Variants in MAP3K12 observed in about 807,000 individuals in gnomAD.
MAP3K12 encodes the protein mitogen-activated protein kinase kinase kinase 12, also known as MAPK-upstream kinase.
A neutral mutation model predicts 87.5 loss-of-function variants in MAP3K12; 14 were observed. That is an observed-to-expected ratio of 0.16 (90% CI 0.11 to 0.25). MAP3K12 has a LOEUF of 0.25. Among genes scored for constraint, MAP3K12 ranks in the 10% least tolerant of loss-of-function variants. MAP3K12 has a pLI of 1.00. For synonymous variants in MAP3K12, 469 were observed against 452.5 expected (o/e 1.04, Z -0.46); for missense variants, 802 against 1,140.4 (o/e 0.70, Z 4.27).
At position 53,482,981 on chromosome 12, in the gene MAP3K12, C is replaced by T. The variant is rs757489134; in HGVS notation, c.1822G>A (p.Gly608Arg). 2 of 1,579,766 alleles carry T rather than the reference C, an allele frequency of 1.3e-6. No individual in the cohort carries two copies. Among genetic ancestry groups the T allele is most frequent in the South Asian group, 1.1e-5 (1 of 87,422 alleles). Residue 608 changes from glycine (G) to arginine (R), a missense_variant, in exon 11 of 14, where the codon GGA becomes AGA. This residue lies in a region of MAP3K12 where 490 missense variants were observed against 496.6 expected (regional missense o/e 0.99). Coordinates refer to ENST00000547488, the MANE Select transcript of MAP3K12 (RefSeq NM_001193511.2). ...CCCCCTCCTAGGCCCCCTGGGCTTC[C>T]TGGTCCTCCAGGTTCATGGGGTGGC... ...AVPPHEPGGP[G>R]SPGGLGGGPS...
At chr12:53,490,695 G>A (rs1343013533) in intron 1 of MAP3K12, among the ~76,000 whole-genome samples, 1 of 151,022 alleles carries the variant, frequency 6.6e-6, no homozygotes, top group East Asian at 2.0e-4. Context: ...GCAGTGAGCC[G>A]AGATCGCACC....
Position 53,483,678 on chromosome 12 carries a change from T to G in MAP3K12, c.1404A>C (p.Arg468Ser), listed in dbSNP as rs1943142287. 3.1e-6 allele frequency: 5 copies of G among 1,613,806 alleles called. No individual in the cohort carries two copies. The highest frequency in any genetic ancestry group is 3.3e-5 in the Admixed American group (2 of 59,998). ...IREHYERKLE[R>S]ANNLYMELNA... ...TAAGTTCCATATACAGGTTGTTGGCTCTCTCCAGCTTCCTTTCATAGTGCT... is the reference window on the plus strand; with the variant it reads ...TAAGTTCCATATACAGGTTGTTGGCGCTCTCCAGCTTCCTTTCATAGTGCT... The change falls in exon 9 of 14, where the codon AGA (arginine) becomes AGC (serine). Residue 468 changes from arginine (R) to serine (S), a missense_variant. Around this residue, in one of 5 missense-constraint regions of MAP3K12, gnomAD observed 99 missense variants for 193.4 expected, o/e 0.51. Transcript: ENST00000547488.
At position 53,483,385 on chromosome 12, in the gene MAP3K12, CTCT is replaced by C. The variant is rs775678493; in HGVS notation, c.1574_1576del (p.Lys525del). ...GGGTGACAGCTTCTGTGGCACATTC[CTCT>C]TCTTGATAAGCTTCTCCATTGTGTT... On this transcript the variant is annotated inframe_deletion, in exon 10 of 14. Transcript: ENST00000547488. 2.7e-5 allele frequency: 44 copies of C among 1,614,012 alleles called. No homozygotes were observed. Among genetic ancestry groups the C allele is most frequent in the East Asian group, 4.5e-5 (2 of 44,882 alleles).
chr12:53,488,985 C>T (rs1943324584), intron 1 of MAP3K12, among the ~76,000 whole-genome samples: 1 of 147,984 alleles, frequency 6.8e-6, no homozygotes, highest in Admixed American at 6.9e-5. Flanking sequence ...GAGGCTGAGG[C>T]AGGAGAATCA....
intron 13 of MAP3K12, 113 bp downstream of exon 13, chr12:53,481,828 T>C (rs1943060163): frequency 7.5e-7 from 1 of 1,333,852 alleles, no homozygotes. Context: ...ATATTTGCTC[T>C]TTATGGTACT....
chr12:53,485,503 C>T (rs752179721), intron 4 of MAP3K12, 28 bp from the exon 5 acceptor site: 3 of 1,599,990 alleles, frequency 1.9e-6, no homozygotes, highest in Non-Finnish European at 2.6e-6. Context: ...CAGCTGGGGT[C>T]CACACCCCTC....
At chr12:53,482,540 G>C in intron 11 of MAP3K12, 25 bp downstream of exon 11, 1 of 1,596,554 alleles carries the variant, frequency 6.3e-7, no homozygotes, top group Non-Finnish European at 8.5e-7. Context: ...AAGGGAAAGA[G>C]CTTGGGAGCC....
chr12:53,496,485 A>C (rs1157955303), intron 1 of MAP3K12, among the ~76,000 whole-genome samples: 3 of 152,156 alleles, frequency 2.0e-5, no homozygotes, highest in African/African-American at 7.2e-5. Flanking sequence ...GCCTCGGGGA[A>C]GGGGAGGGCA....
rs565541096 is a variant in MAP3K12 at position 53,483,863 on chromosome 12, A to G, written c.1358+48T>C. On this transcript the variant is annotated intron_variant, in intron 8 of 13. Transcript: ENST00000547488. Reference sequence around the variant, plus strand: ...GGCTGGGTAGGAGCTGACTGGGTGCATAGTCCTTGCTGTTAGTAAAATCAC... The same window carrying G: ...GGCTGGGTAGGAGCTGACTGGGTGCGTAGTCCTTGCTGTTAGTAAAATCAC... The G allele has an allele frequency of 3.1e-6, 5 of 1,611,030 alleles. No individual in the cohort carries two copies. In the South Asian group the frequency reaches 4.4e-5, roughly 14 times the overall value.
At position 53,487,244 on chromosome 12, in the gene MAP3K12, G is replaced by A. The variant is rs748509425; in HGVS notation, c.148C>T (p.Arg50Ter). The A allele has an allele frequency of 1.9e-6, 3 of 1,613,500 alleles. No individual in the cohort carries two copies. Among genetic ancestry groups the A allele is most frequent in the Non-Finnish European group, 2.5e-6 (3 of 1,179,864 alleles). The change falls in exon 2 of 14, where the codon CGA (arginine) becomes TGA (stop). Residue 50 changes from arginine (R) to a stop codon, truncating the protein, a stop_gained. Coordinates refer to ENST00000547488, the MANE Select transcript of MAP3K12 (RefSeq NM_001193511.2). LOFTEE classifies it high-confidence loss of function. Reference protein sequence around the residue: ...KDLTPTQCVLRDVVPLGGQGG... With the variant: ...KDLTPTQCVL ...TGCCCACCAAGGGGTACCACATCTC[G>A]AAGTACACACTGGGTAGGCGTCAGG... is the stretch of plus-strand genomic sequence containing the variant.
intron 1 of MAP3K12, among the ~76,000 whole-genome samples, chr12:53,498,136 C>T (rs1295937854): frequency 6.6e-6 from 1 of 152,124 alleles, no homozygotes; most frequent in African/African-American, 2.4e-5. Flanking sequence ...GAATGATACG[C>T]TTGAGGGGAC....
chr12:53,501,043 C>G (rs1036479500), upstream of MAP3K12: 38 of 280,162 alleles, frequency 1.4e-4, no homozygotes, highest in South Asian at 1.4e-3. Context: ...TTCCCCTCCG[C>G]TAGTACGCAT....
chr12:53,482,062 C>G lies in MAP3K12; in HGVS notation c.2459G>C (p.Arg820Pro), dbSNP rs751688744. Reference sequence around the variant, plus strand: ...GCCCTGGGAGCACATGTCATCAGACCGCTCATCTGGCCGCTCATCAGTGTT... The same window carrying G: ...GCCCTGGGAGCACATGTCATCAGACGGCTCATCTGGCCGCTCATCAGTGTT... ...STNTDERPDE[R>P]SDDMCSQGSE... Residue 820 changes from arginine (R) to proline (P), a missense_variant, in exon 13 of 14, where the codon CGG becomes CCG. Physicochemically the swap from Arg to Pro is moderately radical, Grantham distance 103. Coordinates refer to ENST00000547488, the MANE Select transcript of MAP3K12 (RefSeq NM_001193511.2). 6.2e-7 allele frequency: 1 copy of G among 1,614,142 alleles called. No individual in the cohort carries two copies. The highest frequency in any genetic ancestry group is 8.5e-7 in the Non-Finnish European group (1 of 1,180,006).
chr12:53,493,563 C>T (rs1262994068), intron 1 of MAP3K12: 1 of 152,708 alleles, frequency 6.5e-6, no homozygotes, highest in Non-Finnish European at 1.5e-5. Context: ...GGAGTCAACC[C>T]CGAGAAGGAT....
In MAP3K12 at chr12:53,486,656, G is replaced by C. The variant is rs1943235001; in HGVS notation, c.446-34C>G. ...AGGAGGCACAGTGCCACAAGCCTCA[G>C]AAAGAGCCACACTCAAGGCCAGGGA... On this transcript the variant is annotated intron_variant, in intron 2 of 13. Transcript: ENST00000547488. The surrounding 1 kb of genome is among the most constrained non-coding windows in gnomAD (Gnocchi z 4.9). 2 of 1,537,762 alleles carry C rather than the reference G, an allele frequency of 1.3e-6. No individual in the cohort carries two copies. Among genetic ancestry groups the C allele is most frequent in the African/African-American group, 1.4e-5 (1 of 72,622 alleles).
chr12:53,500,407 C>G (rs991280111), upstream of MAP3K12: 16 of 152,262 alleles, frequency 1.1e-4, no homozygotes, highest in Admixed American at 2.0e-4. Flanking sequence ...CACCAAGGTG[C>G]CTAGTCCTTC....
chr12:53,483,178 A>G lies in MAP3K12; in HGVS notation c.1625T>C (p.Leu542Pro). The change falls in exon 11 of 14, where the codon CTC (leucine) becomes CCC (proline). Residue 542 changes from leucine to proline, a missense_variant. By Grantham distance (98) the Leu-to-Pro change is moderately conservative. Around this residue, in one of 5 missense-constraint regions of MAP3K12, gnomAD observed 490 missense variants for 496.6 expected, o/e 0.99. Transcript: ENST00000547488. ...TTTAGGGAGCAAAGACTCCGTCTTG[A>G]GGATATCTGGCCTGGAAGAAGAGGA... is the stretch of plus-strand genomic sequence containing the variant. Reference protein sequence around the residue: ...LSPHSKRPDILKTESLLPKLD... With the variant: ...LSPHSKRPDIPKTESLLPKLD... The G allele has an allele frequency of 6.6e-7, 1 of 1,524,894 alleles. No individual in the cohort carries two copies. The highest frequency in any genetic ancestry group is 8.8e-7 in the Non-Finnish European group (1 of 1,138,992). 94.5% of individuals were successfully genotyped at this position (1,524,894 alleles called of 1,614,324 possible). A position where few individuals can be genotyped will look rare whatever the true frequency, so the allele number is the denominator to read the frequency against.
At position 53,480,792 on chromosome 12, in the gene MAP3K12, C is replaced by G. The variant is rs1047190922; in HGVS notation, c.*390G>C. On this transcript the variant is annotated 3_prime_UTR_variant, in exon 14 of 14. Transcript: ENST00000547488. The stretch of plus-strand genomic sequence containing the variant: ...GTGCAAAATGTGTAAACAGAGTAAA[C>G]GGAACAGAAAAGTGCAGTCTAAGTG... 2 of 152,576 alleles carry G rather than the reference C, an allele frequency of 1.3e-5. No individual in the cohort carries two copies. The highest frequency in any genetic ancestry group is 3.1e-3 in the Middle Eastern group (1 of 318). 9.5% of individuals were successfully genotyped at this position (152,576 alleles called of 1,614,324 possible). A position where few individuals can be genotyped will look rare whatever the true frequency, so the allele number is the denominator to read the frequency against.
Position 53,486,028 on chromosome 12 carries a change from AT to A in MAP3K12, c.821+27del, listed in dbSNP as rs1207651900. The stretch of plus-strand genomic sequence containing the variant: ...ACTTGAGTGGGTCACCTGCATGCAC[AT>A]CTGTTGCTCCCTGCTTGCTTACTCA... On this transcript the variant is annotated intron_variant, in intron 4 of 13. Coordinates refer to ENST00000547488, the MANE Select transcript of MAP3K12 (RefSeq NM_001193511.2). This position sits in a 1 kb window ranked among gnomAD's most constrained non-coding sequence, Gnocchi z 4.9. 1 of 1,576,324 alleles carries A rather than the reference AT, an allele frequency of 6.3e-7. No individual in the cohort carries two copies. Among genetic ancestry groups the A allele is most frequent in the African/African-American group, 1.3e-5 (1 of 74,366 alleles).
Sources: allele counts gnomAD v4.1 joint callset (sites outside exome capture counted in the v4.1 genomes callset), GRCh38; gene constraint gnomAD v4.1.1; regional missense constraint gnomAD v4.1.1; non-coding constraint Gnocchi (gnomAD v3.1); transcripts MANE v1.5; gene names NCBI Gene and HGNC (gene_info 2026-07-23, HGNC 2026-07-21).